Variants in STOX2 observed in about 807,000 individuals in gnomAD.
STOX2 encodes storkhead-box protein 2.
In STOX2, 28 loss-of-function variants were observed where a neutral mutation model predicts 60.9. That is an observed-to-expected ratio of 0.46 (90% CI 0.34 to 0.63). The LOEUF (loss-of-function observed/expected upper bound fraction) is 0.63, where lower values mean the gene tolerates loss of function less well. STOX2 is among the 30% of genes least tolerant of loss of function. The pLI is 0.01. For missense variants in STOX2, 1,024 were observed against 1,187.7 expected (o/e 0.86, Z 2.03); for synonymous variants, 472 against 463.9 (o/e 1.02, Z -0.22).
chr4:183,871,802 C>A (rs571154087), intron 1 of STOX2, among the ~76,000 whole-genome samples: 1 of 151,950 alleles, frequency 6.6e-6, no homozygotes, highest in Non-Finnish European at 1.5e-5. Context: ...TGGAAAATTT[C>A]TCTGACAGAC....
chr4:183,869,844 GTCA>G (rs58552028), intron 1 of STOX2, among the ~76,000 whole-genome samples: 1,646 of 152,274 alleles, frequency 0.011, 32 homozygotes, highest in African/African-American at 0.038. Context: ...ATCCTTCCCA[GTCA>G]TCAGTGGAAT....
intron 1 of STOX2, among the ~76,000 whole-genome samples, chr4:183,950,303 T>C (rs920256130): frequency 3.3e-5 from 5 of 152,128 alleles, no homozygotes; most frequent in Non-Finnish European, 5.9e-5. Context: ...GTGAGCAAAG[T>C]TGAAATGGTC....
intron 1 of STOX2, among the ~76,000 whole-genome samples, chr4:183,942,634 G>A (rs1742783515): frequency 6.6e-6 from 1 of 151,754 alleles, no homozygotes; most frequent in Non-Finnish European, 1.5e-5. Context: ...GACTTTTTAG[G>A]CACTCCAAAA....
chr4:184,006,844 G>A (rs1474042789), intron 2 of STOX2, among the ~76,000 whole-genome samples: 5 of 150,744 alleles, frequency 3.3e-5, no homozygotes, highest in South Asian at 2.1e-4. Context: ...GTGAAACCCC[G>A]TCTCTACTAA....
At chr4:183,936,986 TACTC>T (rs1172581879) in intron 1 of STOX2, among the ~76,000 whole-genome samples, 7 of 152,360 alleles carry the variant, frequency 4.6e-5, no homozygotes, top group African/African-American at 1.7e-4. Flanking sequence ...GACATTATCT[TACTC>T]ACTTTAATAA....
chr4:183,851,280 G>T (rs1194017152), intron 1 of STOX2, among the ~76,000 whole-genome samples: 1 of 62,166 alleles, frequency 1.6e-5, no homozygotes, highest in African/African-American at 5.9e-5. Flanking sequence ...AAACGATGAG[G>T]GAAAGGATGA....
intron 1 of STOX2, among the ~76,000 whole-genome samples, chr4:183,924,230 T>A (rs1451691744): frequency 1.3e-5 from 2 of 152,058 alleles, no homozygotes; most frequent in African/African-American, 4.8e-5. Flanking sequence ...ATGCTTGTCT[T>A]ATTAAAGAGT....
At chr4:183,986,767 CAG>C (rs1491475912) in intron 1 of STOX2, among the ~76,000 whole-genome samples, 2 of 152,232 alleles carry the variant, frequency 1.3e-5, no homozygotes, top group African/African-American at 4.8e-5. Flanking sequence ...ACTCAACTCA[CAG>C]GGGGGCCTTT....
intron 1 of STOX2, among the ~76,000 whole-genome samples, chr4:183,877,734 A>T (rs1402999716): frequency 6.6e-6 from 1 of 152,152 alleles, no homozygotes; most frequent in Non-Finnish European, 1.5e-5. Flanking sequence ...AGGCTGGAGT[A>T]CAGTGGGGCG....
chr4:183,947,555 A>G (rs1389143632), intron 1 of STOX2, among the ~76,000 whole-genome samples: 1 of 152,202 alleles, frequency 6.6e-6, no homozygotes, highest in Non-Finnish European at 1.5e-5. Flanking sequence ...CCCTAGCTGG[A>G]AAAAGCAAAT....
chr4:183,874,756 C>G (rs1740773873), intron 1 of STOX2, among the ~76,000 whole-genome samples: 2 of 149,620 alleles, frequency 1.3e-5, no homozygotes. Flanking sequence ...GAAACCCCGT[C>G]TCTAGTAAAA....
rs10687778 is a variant in STOX2, at chr4:183,948,540, C to CTTTTTTTT, written c.166+41599_166+41606dup. Among the ~76,000 whole-genome samples, 319 of 78,192 alleles carry CTTTTTTTT rather than the reference C, an allele frequency of 4.1e-3. 16 individuals are homozygous for CTTTTTTTT. Among genetic ancestry groups the CTTTTTTTT allele is most frequent in the Non-Finnish European group, 5.7e-3 (249 of 43,800 alleles). 51.3% of individuals were successfully genotyped at this position (78,192 alleles called of 152,430 possible). ...GCTGTTAACTTGTTAATGCCTTATC[C>CTTTTTTTT]TTTTTTTTTTTTTTTTTTTTTTGAG... On this transcript the variant is annotated intron_variant, in intron 1 of 3. Coordinates refer to ENST00000308497, the MANE Select transcript of STOX2 (RefSeq NM_020225.3).
At chr4:184,013,675 T>C (rs750531334) in intron 3 of STOX2, among the ~76,000 whole-genome samples, 1 of 152,262 alleles carries the variant, frequency 6.6e-6, no homozygotes, top group Non-Finnish European at 1.5e-5. Context: ...AGGAGTAATG[T>C]TCTGCAAAGG....
chr4:183,823,150 C>G (rs184798758), intron 1 of STOX2, among the ~76,000 whole-genome samples: 1 of 152,222 alleles, frequency 6.6e-6, no homozygotes, highest in Non-Finnish European at 1.5e-5. Flanking sequence ...AATCCCAGCA[C>G]TTTGGGAGGC....
intron 1 of STOX2, among the ~76,000 whole-genome samples, chr4:183,996,738 A>G (rs2111216672): frequency 6.6e-6 from 1 of 152,188 alleles, no homozygotes; most frequent in Admixed American, 6.5e-5. Flanking sequence ...TAAAAAATTT[A>G]CTCATTTTTA....
At chr4:183,847,263 T>TTCTAGAA (rs1740010144) in intron 1 of STOX2, among the ~76,000 whole-genome samples, 1 of 152,340 alleles carries the variant, frequency 6.6e-6, no homozygotes, top group South Asian at 2.1e-4. Context: ...GTATATGGGC[T>TTCTAGAA]TCTAGAATCC....
intron 1 of STOX2, among the ~76,000 whole-genome samples, chr4:183,950,770 G>T (rs551567194): frequency 6.6e-6 from 1 of 152,308 alleles, no homozygotes; most frequent in Non-Finnish European, 1.5e-5. Context: ...CAGAGAGCCT[G>T]CAGGGGGCTG....
chr4:183,968,928 G>A (rs1743660001), intron 1 of STOX2, among the ~76,000 whole-genome samples: 1 of 152,218 alleles, frequency 6.6e-6, no homozygotes, highest in Non-Finnish European at 1.5e-5. Context: ...AAGTACATAT[G>A]ACTTTAAGCT....
At chr4:183,857,461 CA>C (rs1313481588) in intron 1 of STOX2, among the ~76,000 whole-genome samples, 2 of 150,634 alleles carry the variant, frequency 1.3e-5, no homozygotes, top group Non-Finnish European at 3.0e-5. Flanking sequence ...CCATTGAAGG[CA>C]GTGCCACGGC....
Sources: gnomAD v4.1 joint callset for allele counts (sites outside exome capture counted in the v4.1 genomes callset) on GRCh38, gnomAD v4.1.1 for gene constraint, MANE v1.5 for transcripts, NCBI Gene and HGNC (gene_info 2026-07-23, HGNC 2026-07-21) for gene names.